Variants in BTC observed in about 807,000 individuals in gnomAD.
BTC encodes betacellulin, also known as probetacellulin.
A neutral mutation model predicts 18.1 loss-of-function variants in BTC; 13 were observed. The ratio of observed to expected loss-of-function variants is 0.72; its 90% CI spans 0.47 to 1.14. The LOEUF (loss-of-function observed/expected upper bound fraction) is 1.14, where lower values mean the gene tolerates loss of function less well. Ranked by LOEUF, BTC falls within the 50% of genes most tolerant of loss-of-function variation. The pLI is 0.00. For missense variants in BTC, 247 were observed against 224.2 expected (o/e 1.10, Z -0.65); for synonymous variants, 83 against 79.4 (o/e 1.05, Z -0.24).
chr4:74,750,564 A>T lies in BTC; in HGVS notation c.428+9T>A. On this transcript the variant is annotated intron_variant, in intron 4 of 5. Transcript: ENST00000395743. ...AGATTTACTTAAAATTAAGTTTAAA[A>T]ATACTTACTGACAGCATGTGCAGAC... 1 of 1,596,738 alleles carries T rather than the reference A, an allele frequency of 6.3e-7. No homozygotes were observed.
intron 2 of BTC, among the ~76,000 whole-genome samples, chr4:74,759,918 G>T (rs1577953464): frequency 6.6e-6 from 1 of 152,170 alleles, no homozygotes; most frequent in African/African-American, 2.4e-5. Flanking sequence ...CAATTTGACG[G>T]ATGTTTTGAT....
chr4:74,786,795 C>A (rs1363804200), intron 1 of BTC, among the ~76,000 whole-genome samples: 34 of 151,904 alleles, frequency 2.2e-4, no homozygotes, highest in Admixed American at 2.2e-3. Flanking sequence ...CAGTCTGAAT[C>A]CTCAATACAA....
intron 1 of BTC, among the ~76,000 whole-genome samples, chr4:74,785,093 C>T (rs1008640768): frequency 6.6e-6 from 1 of 152,034 alleles, no homozygotes; most frequent in South Asian, 2.1e-4. Context: ...ATTACTGGTT[C>T]AATTTCAGAA....
At chr4:74,748,307 G>T (rs2109875252) in intron 4 of BTC, among the ~76,000 whole-genome samples, 158 bp from the exon 5 acceptor site, 1 of 152,258 alleles carries the variant, frequency 6.6e-6, no homozygotes, top group African/African-American at 2.4e-5. Context: ...CCAGCACTTT[G>T]GGAGGCCGAG....
intron 2 of BTC, among the ~76,000 whole-genome samples, chr4:74,762,501 T>C (rs1724787311): frequency 6.6e-6 from 1 of 152,144 alleles, no homozygotes; most frequent in African/African-American, 2.4e-5. Flanking sequence ...ATCTTTTTAT[T>C]AAAAGTGTAC....
At position 74,794,298 on chromosome 4, in the gene BTC, C is replaced by T; in HGVS notation, c.28G>A (p.Ala10Thr). The part of the protein sequence containing the change: MDRAARCSG[A>T]SSLPLLLALA... ...GCCAGGAGCAGTGGCAGGGAGCTGG[C>T]GCCGCTGCACCGGGCGGCCCGGTCC... The change falls in exon 1 of 6, where the codon GCC becomes ACC. Residue 10 changes from alanine to threonine, a missense_variant. Physicochemically the swap from Ala to Thr is moderately conservative, Grantham distance 58. Coordinates refer to ENST00000395743, the MANE Select transcript of BTC (RefSeq NM_001729.4). 1 of 1,548,840 alleles carries T rather than the reference C, an allele frequency of 6.5e-7. No homozygotes were observed.
intron 1 of BTC, among the ~76,000 whole-genome samples, chr4:74,792,668 C>A (rs1276074128): frequency 1.3e-5 from 2 of 152,240 alleles, no homozygotes; most frequent in African/African-American, 4.8e-5. Flanking sequence ...TCTACTCTTT[C>A]CAGTAAAGCA....
intron 2 of BTC, among the ~76,000 whole-genome samples, chr4:74,759,482 C>T (rs1284255064): frequency 3.3e-5 from 5 of 152,114 alleles, no homozygotes; most frequent in Non-Finnish European, 7.3e-5. Flanking sequence ...AACACAATCT[C>T]ATAAGTGGAT....
At chr4:74,755,776 G>A (rs909614454) in intron 3 of BTC, 83 bp downstream of exon 3, 18 of 1,291,536 alleles carry the variant, frequency 1.4e-5, no homozygotes, top group Non-Finnish European at 1.9e-5. Context: ...GGCATGGTTA[G>A]CTCACACTTT....
At chr4:74,766,513 G>A (rs908998812) in intron 2 of BTC, among the ~76,000 whole-genome samples, 2 of 151,844 alleles carry the variant, frequency 1.3e-5, no homozygotes, top group East Asian at 3.8e-4. Flanking sequence ...ATTGAATAAC[G>A]AAGAAGTAAC....
At chr4:74,751,289 T>C (rs1324947320) in intron 3 of BTC, among the ~76,000 whole-genome samples, 13 of 152,172 alleles carry the variant, frequency 8.5e-5, no homozygotes, top group African/African-American at 3.1e-4. Flanking sequence ...CTGTAAATTC[T>C]ACCCGTTGAT....
chr4:74,762,664 A>G (rs575178681), intron 2 of BTC, among the ~76,000 whole-genome samples: 31 of 152,220 alleles, frequency 2.0e-4, no homozygotes, highest in African/African-American at 6.7e-4. Flanking sequence ...AAAAATATTG[A>G]TTTAAATAAT....
chr4:74,792,035 C>T (rs1725647252), intron 1 of BTC, among the ~76,000 whole-genome samples: 10 of 151,512 alleles, frequency 6.6e-5, no homozygotes. Flanking sequence ...CATCTTATTG[C>T]TCACATTCTT....
intron 1 of BTC, among the ~76,000 whole-genome samples, chr4:74,775,453 A>G (rs1379181035): frequency 6.6e-6 from 1 of 152,182 alleles, no homozygotes; most frequent in Non-Finnish European, 1.5e-5. Flanking sequence ...TTTCCACTCA[A>G]AAAGATCATA....
chr4:74,750,489 A>G, intron 4 of BTC, 84 bp downstream of exon 4: 1 of 1,377,738 alleles, frequency 7.3e-7, no homozygotes, highest in Non-Finnish European at 9.8e-7. Flanking sequence ...AGCAAAAGAG[A>G]ATGTAAAGAG....
chr4:74,747,501 T>C (rs1197075713), intron 5 of BTC, among the ~76,000 whole-genome samples: 14 of 152,046 alleles, frequency 9.2e-5, no homozygotes, highest in Admixed American at 7.9e-4. Context: ...GCCCTTCCTG[T>C]AGAGGAAGGG....
rs190923432 is a variant in BTC, at chr4:74,756,988, C to T, written c.164-1012G>A. ...ACTTACAAGGGACATAATGCCCACACCCACAGAAAACAGAAAACAACTAAC... is the reference window on the plus strand; with the variant it reads ...ACTTACAAGGGACATAATGCCCACATCCACAGAAAACAGAAAACAACTAAC... On this transcript the variant is annotated intron_variant, in intron 2 of 5. Coordinates refer to ENST00000395743, the MANE Select transcript of BTC (RefSeq NM_001729.4). Among the ~76,000 whole-genome samples, 76 of 152,236 alleles carry T rather than the reference C, an allele frequency of 5.0e-4. 1 individual carries two copies. The highest frequency in any genetic ancestry group is 4.6e-3 in the East Asian group (24 of 5,186).
intron 2 of BTC, among the ~76,000 whole-genome samples, chr4:74,761,387 C>T (rs1490630432): frequency 6.6e-6 from 1 of 152,120 alleles, no homozygotes; most frequent in Non-Finnish European, 1.5e-5. Context: ...ATCTCTTCTC[C>T]TTCCTGGGTA....
Position 74,748,164 on chromosome 4 carries a change from G to T in BTC, c.429-15C>A, listed in dbSNP as rs782316520. On this transcript the variant is annotated splice_polypyrimidine_tract_variant and intron_variant, in intron 4 of 5. Coordinates refer to ENST00000395743, the MANE Select transcript of BTC (RefSeq NM_001729.4). The stretch of plus-strand genomic sequence containing the variant: ...TCCGAAGAGGGCTTGGAAAATACGT[G>T]TTAGAAGTTAGTATGGGCCTAGTAG... 1.3e-6 allele frequency: 2 copies of T among 1,505,562 alleles called. No homozygotes were observed. The highest frequency in any genetic ancestry group is 1.8e-6 in the Non-Finnish European group (2 of 1,091,666). The allele number at this position is 1,505,562 out of a possible 1,614,324, so 93.3% of individuals were successfully genotyped here.
Sources: gnomAD v4.1 joint callset for allele counts (sites outside exome capture counted in the v4.1 genomes callset) on GRCh38, gnomAD v4.1.1 for gene constraint, MANE v1.5 for transcripts, NCBI Gene and HGNC (gene_info 2026-07-23, HGNC 2026-07-21) for gene names.